The following LNPEP variants were observed in gnomAD, a reference collection of about 807,000 sequenced individuals.
LNPEP encodes the protein leucyl-cystinyl aminopeptidase.
LNPEP carries 64 observed loss-of-function variants against 120.6 expected under a neutral mutation model. The observed-to-expected ratio is 0.53, with a 90% CI of 0.43 to 0.65. The LOEUF (loss-of-function observed/expected upper bound fraction) is 0.65, where lower values mean the gene tolerates loss of function less well. Among genes scored for constraint, LNPEP ranks in the 30% least tolerant of loss-of-function variants. The pLI is 0.00. For synonymous variants in LNPEP, 435 were observed against 425.4 expected (o/e 1.02, Z -0.28); for missense variants, 1,057 against 1,200.0 (o/e 0.88, Z 1.76).
Position 96,996,350 on chromosome 5 carries a change from T to C in LNPEP, c.1408-40T>C, listed in dbSNP as rs926211296. 3 of 1,124,418 alleles carry C rather than the reference T, an allele frequency of 2.7e-6. No homozygotes were observed. In the Admixed American group the frequency reaches 5.2e-5, roughly 19 times the overall value. The allele number at this position is 1,124,418 out of a possible 1,614,324, so 69.7% of individuals were successfully genotyped here. On this transcript the variant is annotated intron_variant, in intron 6 of 17. Coordinates refer to ENST00000231368, the MANE Select transcript of LNPEP (RefSeq NM_005575.3). ...CAATTATTTAAAAAATTCCTGAGGCTGTAAATATCCTGTGGGTTAATTGTT... is the reference window on the plus strand; with the variant it reads ...CAATTATTTAAAAAATTCCTGAGGCCGTAAATATCCTGTGGGTTAATTGTT...
At chr5:96,986,737 C>G in intron 4 of LNPEP, 67 bp downstream of exon 4, 2 of 1,408,262 alleles carry the variant, frequency 1.4e-6, no homozygotes, top group Non-Finnish European at 2.0e-6. Context: ...CTTGCTTTAA[C>G]GATTCCTGGT....
intron 1 of LNPEP, among the ~76,000 whole-genome samples, chr5:96,959,684 G>A (rs1789552329): frequency 6.6e-6 from 1 of 152,014 alleles, no homozygotes. Context: ...TATGATTTTA[G>A]TTTTAGACTT....
chr5:96,954,814 G>C lies in LNPEP; in HGVS notation c.19+18640G>C, dbSNP rs1178786653. Among the ~76,000 whole-genome samples the C allele has an allele frequency of 5.6e-5, 5 of 89,180 alleles. No individual in the cohort carries two copies. The East Asian group carries it at 1.4e-3, about 24-fold the overall frequency. 58.5% of individuals were successfully genotyped at this position (89,180 alleles called of 152,430 possible). ...TTTTTTTTTTTTGAGACAGAGTCTTGCTCTGTCGCCCAGGCTGGAGTGCAG... is the reference window on the plus strand; with the variant it reads ...TTTTTTTTTTTTGAGACAGAGTCTTCCTCTGTCGCCCAGGCTGGAGTGCAG... On this transcript the variant is annotated intron_variant, in intron 1 of 17. Transcript: ENST00000231368.
intron 15 of LNPEP, among the ~76,000 whole-genome samples, chr5:97,025,117 A>G (rs1448729693): frequency 6.6e-6 from 1 of 152,164 alleles, no homozygotes; most frequent in African/African-American, 2.4e-5. Context: ...TTCCTTTTTA[A>G]TATGTAGTGA....
chr5:96,986,622 C>T lies in LNPEP; in HGVS notation c.1083C>T (p.Phe361=). Residue 361 remains phenylalanine (F), a synonymous_variant, in exon 4 of 18, where the codon TTC becomes TTT. Coordinates refer to ENST00000231368, the MANE Select transcript of LNPEP (RefSeq NM_005575.3). ...AGATGAGCACTTACTTGGTTGCTTT[C>T]ATTGTGGGAGAGATGAAGAACCTGA... ...SVKMSTYLVA[F]IVGEMKNLSQ... is the part of the protein sequence containing the mutation. The T allele has an allele frequency of 1.9e-6, 3 of 1,613,514 alleles. No homozygotes were observed. The highest frequency in any genetic ancestry group is 2.5e-6 in the Non-Finnish European group (3 of 1,179,616).
At chr5:97,012,180 T>G (rs1196294723) in intron 11 of LNPEP, among the ~76,000 whole-genome samples, 1 of 152,188 alleles carries the variant, frequency 6.6e-6, no homozygotes, top group Non-Finnish European at 1.5e-5. Context: ...TGAACACTGC[T>G]TATGAAGACA....
At chr5:96,939,298 C>T (rs1788995820) in intron 1 of LNPEP, among the ~76,000 whole-genome samples, 2 of 151,246 alleles carry the variant, frequency 1.3e-5, no homozygotes, top group Non-Finnish European at 2.9e-5. Flanking sequence ...ACTGCAACCT[C>T]TGCCTCCCGG....
intron 4 of LNPEP, 75 bp from the exon 5 acceptor site, chr5:96,992,940 C>T: frequency 1.8e-6 from 2 of 1,082,768 alleles, no homozygotes; most frequent in Non-Finnish European, 2.6e-6. Context: ...ATATGCTAGT[C>T]TTGACAGTGC....
intron 1 of LNPEP, among the ~76,000 whole-genome samples, chr5:96,943,501 G>A (rs2035823168): frequency 6.6e-6 from 1 of 152,200 alleles, no homozygotes; most frequent in Admixed American, 6.5e-5. Context: ...TGGCCAGGCT[G>A]GTCTCGAACT....
At chr5:97,010,340 T>C in intron 11 of LNPEP, 1 of 982,684 alleles carries the variant, frequency 1.0e-6, no homozygotes, top group Non-Finnish European at 1.2e-6. Flanking sequence ...GTTAAAGATA[T>C]GTCATTGGAA....
intron 4 of LNPEP, among the ~76,000 whole-genome samples, chr5:96,988,389 G>A (rs1790293045): frequency 6.9e-6 from 1 of 145,242 alleles, no homozygotes; most frequent in African/African-American, 2.6e-5. Flanking sequence ...CTGGGGTGGA[G>A]TACAAGTGGC....
chr5:96,941,120 C>A (rs2112555450), intron 1 of LNPEP, among the ~76,000 whole-genome samples: 1 of 152,266 alleles, frequency 6.6e-6, no homozygotes. Flanking sequence ...GAGACAGTGA[C>A]AGATCAGGCA....
chr5:97,020,147 C>T (rs1344357431), intron 13 of LNPEP, among the ~76,000 whole-genome samples: 1 of 152,128 alleles, frequency 6.6e-6, no homozygotes, highest in Non-Finnish European at 1.5e-5. Flanking sequence ...ATATTCAACT[C>T]CACAAGATGC....
At chr5:96,965,875 A>G (rs1206648933) in intron 1 of LNPEP, among the ~76,000 whole-genome samples, 1 of 152,096 alleles carries the variant, frequency 6.6e-6, no homozygotes, top group Non-Finnish European at 1.5e-5. Context: ...TTTAGGTTTT[A>G]GATTTTATGA....
In LNPEP at chr5:97,033,247, G is replaced by A. The variant is rs1432672479; in HGVS notation, c.*4714G>A. 4 of 152,078 alleles carry A rather than the reference G, an allele frequency of 2.6e-5. No individual in the cohort carries two copies. Among genetic ancestry groups the A allele is most frequent in the African/African-American group, 9.7e-5 (4 of 41,384 alleles). The allele number at this position is 152,078 out of a possible 1,614,324, so 9.4% of individuals were successfully genotyped here. A position where few individuals can be genotyped will look rare whatever the true frequency, so the allele number is the denominator to read the frequency against. ...TCTCCTCATCCCTTATTGACTGCTG[G>A]GCAGTAGCTAACAGAGTAGTTGTCA... On this transcript the variant is annotated 3_prime_UTR_variant, in exon 18 of 18. Coordinates refer to ENST00000231368, the MANE Select transcript of LNPEP (RefSeq NM_005575.3).
At chr5:96,992,884 G>A in intron 4 of LNPEP, 131 bp from the exon 5 acceptor site, 1 of 599,022 alleles carries the variant, frequency 1.7e-6, no homozygotes, top group South Asian at 3.2e-5. Flanking sequence ...CCATAAGCAA[G>A]TGTTTCTATC....
intron 1 of LNPEP, among the ~76,000 whole-genome samples, chr5:96,953,921 GT>G (rs914383886): frequency 2.0e-5 from 3 of 152,138 alleles, no homozygotes; most frequent in Non-Finnish European, 2.9e-5. Flanking sequence ...ACCGGTGTTC[GT>G]CAGTTTGTGC....
intron 1 of LNPEP, among the ~76,000 whole-genome samples, chr5:96,963,795 T>G (rs1789662240): frequency 6.6e-6 from 1 of 152,220 alleles, no homozygotes; most frequent in African/African-American, 2.4e-5. Flanking sequence ...TACATATTTA[T>G]GGGGTATAAT....
Position 97,028,839 on chromosome 5 carries a change from T to C in LNPEP, c.*306T>C. ...ACAAAAACCCTGTTTTGGAATTCTG[T>C]TCTATTCCTCAGTATCCAGAAAGTT... On this transcript the variant is annotated 3_prime_UTR_variant, in exon 18 of 18. Transcript: ENST00000231368. The C allele has an allele frequency of 4.2e-6, 1 of 238,752 alleles. No individual in the cohort carries two copies. Among genetic ancestry groups the C allele is most frequent in the Middle Eastern group, 1.5e-3 (1 of 650 alleles). 14.8% of individuals were successfully genotyped at this position (238,752 alleles called of 1,614,324 possible). A position where few individuals can be genotyped will look rare whatever the true frequency, so the allele number is the denominator to read the frequency against.
Sources: gnomAD v4.1 joint callset for allele counts (sites outside exome capture counted in the v4.1 genomes callset) on GRCh38, gnomAD v4.1.1 for gene constraint, MANE v1.5 for transcripts, NCBI Gene and HGNC (gene_info 2026-07-23, HGNC 2026-07-21) for gene names.